CCDC63: variants seen among roughly 807,000 people sequenced by gnomAD.
CCDC63 encodes the protein coiled-coil domain containing 63, also known as coiled-coil domain-containing protein 63.
A neutral mutation model predicts 63.6 loss-of-function variants in CCDC63; 54 were observed. That is an observed-to-expected ratio of 0.85 (90% CI 0.68 to 1.07). The LOEUF is 1.07. CCDC63 is among the 50% of genes least tolerant of loss of function. CCDC63 has a pLI of 0.00. For missense variants in CCDC63, 637 were observed against 689.6 expected (o/e 0.92, Z 0.86); for synonymous variants, 253 against 266.1 (o/e 0.95, Z 0.48).
chr12:110,855,316 G>C (rs988590197), intron 3 of CCDC63, among the ~76,000 whole-genome samples: 1 of 152,192 alleles, frequency 6.6e-6, no homozygotes, highest in South Asian at 2.1e-4. Flanking sequence ...TCAAGCTGGT[G>C]GTGCTTCCTA....
Position 110,899,119 on chromosome 12 carries a change from T to C in CCDC63, c.1336T>C (p.Tyr446His), listed in dbSNP as rs770930150. The C allele has an allele frequency of 6.2e-7, 1 of 1,608,966 alleles. No homozygotes were observed. The highest frequency in any genetic ancestry group is 1.1e-5 in the South Asian group (1 of 90,076). ...GKVTDINLPQYFAIIEKKTND... is the reference protein window; with the variant it reads ...GKVTDINLPQHFAIIEKKTND... ...AGTCACTGACATCAACCTTCCGCAGTATTTTGGTGAGTCAAGCTGGGGCCC... is the reference window on the plus strand; with the variant it reads ...AGTCACTGACATCAACCTTCCGCAGCATTTTGGTGAGTCAAGCTGGGGCCC... The change falls in exon 10 of 12, where the codon TAT (tyrosine) becomes CAT (histidine). Residue 446 changes from tyrosine to histidine, a missense_variant. Physicochemically the swap from Tyr to His is moderately conservative, Grantham distance 83. Coordinates refer to ENST00000308208, the MANE Select transcript of CCDC63 (RefSeq NM_152591.3).
intron 10 of CCDC63, among the ~76,000 whole-genome samples, chr12:110,901,012 A>G (rs2071478817): frequency 6.6e-6 from 1 of 152,218 alleles, no homozygotes; most frequent in Non-Finnish European, 1.5e-5. Flanking sequence ...ATATAGTCAC[A>G]CATATGGCTA....
chr12:110,847,018 C>T lies in CCDC63; in HGVS notation c.-184C>T, dbSNP rs2136630967. On this transcript the variant is annotated 5_prime_UTR_variant, in exon 1 of 12. Transcript: ENST00000308208. ...CAGCGAGGCCGCGCAGCAAGCAGTC[C>T]TCCCGGCACCGTCGGAAGCGCAGTT... 6.6e-6 allele frequency: 1 copy of T among 152,288 alleles called. No homozygotes were observed. The highest frequency in any genetic ancestry group is 2.4e-5 in the African/African-American group (1 of 41,564). 9.4% of individuals were successfully genotyped at this position (152,288 alleles called of 1,614,324 possible).
intron 4 of CCDC63, among the ~76,000 whole-genome samples, chr12:110,861,726 A>ATT (rs68137795): frequency 4.3e-5 from 6 of 138,434 alleles, no homozygotes; most frequent in Non-Finnish European, 3.1e-5. Flanking sequence ...TGCCTGGCTA[A>ATT]TTTTTTTTTT....
chr12:110,903,245 C>T (rs1428591164), intron 10 of CCDC63, among the ~76,000 whole-genome samples: 1 of 152,128 alleles, frequency 6.6e-6, no homozygotes, highest in East Asian at 1.9e-4. Flanking sequence ...TCAAGTGATC[C>T]ACCTGCCTCA....
chr12:110,860,374 G>T (rs917290125), intron 4 of CCDC63, among the ~76,000 whole-genome samples: 1 of 152,130 alleles, frequency 6.6e-6, no homozygotes, highest in African/African-American at 2.4e-5. Flanking sequence ...GCCTTATTCT[G>T]GTGTTTAACG....
intron 8 of CCDC63, among the ~76,000 whole-genome samples, chr12:110,885,348 A>G (rs1380945666): frequency 6.6e-6 from 1 of 152,136 alleles, no homozygotes. Flanking sequence ...TCCTGCAGTA[A>G]AGAAGCCTGT....
rs140182924 is a variant in CCDC63 at position 110,874,940 on chromosome 12, A to G, written c.489+979A>G. On this transcript the variant is annotated intron_variant, in intron 5 of 11. Transcript: ENST00000308208. ...GGAATGATGGACAGGGACAAACCAC[A>G]CATTCCAGTCTGGTTTGTGAAACTG... Among the ~76,000 whole-genome samples the G allele has an allele frequency of 5.8e-3, 891 of 152,308 alleles. 7 individuals carry two copies. The highest frequency in any genetic ancestry group is 5.9e-3 in the Non-Finnish European group (402 of 68,016).
chr12:110,889,540 G>T lies in CCDC63; in HGVS notation c.1075-3536G>T, dbSNP rs956180273. Among the ~76,000 whole-genome samples, 2 of 152,132 alleles carry T rather than the reference G, an allele frequency of 1.3e-5. No homozygotes were observed. The highest frequency in any genetic ancestry group is 6.6e-5 in the Admixed American group (1 of 15,252). On this transcript the variant is annotated intron_variant, in intron 8 of 11. Coordinates refer to ENST00000308208, the MANE Select transcript of CCDC63 (RefSeq NM_152591.3). The surrounding 1 kb of genome is among the most constrained non-coding windows in gnomAD (Gnocchi z 4.1). ...AGGAAACAGCAACAGCACACGCAAAGGCCCTGACGCAGCTTGCAAGCAGGC... is the reference window on the plus strand; with the variant it reads ...AGGAAACAGCAACAGCACACGCAAATGCCCTGACGCAGCTTGCAAGCAGGC...
intron 1 of CCDC63, among the ~76,000 whole-genome samples, chr12:110,852,174 G>T (rs1009746184): frequency 6.6e-6 from 1 of 152,174 alleles, no homozygotes; most frequent in Non-Finnish European, 1.5e-5. Context: ...CCTGCTCTAA[G>T]ATGGGAGGGT....
chr12:110,867,551 A>G (rs2070982954), intron 4 of CCDC63, among the ~76,000 whole-genome samples: 1 of 129,358 alleles, frequency 7.7e-6, no homozygotes, highest in Non-Finnish European at 1.7e-5. Context: ...TCCCTCCCGG[A>G]CGGGGCGGCT....
chr12:110,898,424 A>G (rs1241813250), intron 9 of CCDC63, among the ~76,000 whole-genome samples: 1 of 148,508 alleles, frequency 6.7e-6, no homozygotes, highest in Non-Finnish European at 1.5e-5. Context: ...GCAGTTTGAG[A>G]GCAGCCTGCG....
At chr12:110,893,848 T>G (rs1268351902) in intron 9 of CCDC63, among the ~76,000 whole-genome samples, 1 of 151,986 alleles carries the variant, frequency 6.6e-6, no homozygotes, top group East Asian at 1.9e-4. Context: ...AATACAAAAA[T>G]TAGCCAGGTG....
Position 110,858,225 on chromosome 12 carries a change from G to A in CCDC63, c.180-361G>A, listed in dbSNP as rs181979371. On this transcript the variant is annotated intron_variant, in intron 3 of 11. Transcript: ENST00000308208. ...CTCCTCATTACTGGAGATAATTGGC[G>A]GTAAAGTCTGGAAAGATGGTCTGCA... Among the ~76,000 whole-genome samples, 313 of 152,200 alleles carry A rather than the reference G, an allele frequency of 2.1e-3. 1 individual carries two copies. Among genetic ancestry groups the A allele is most frequent in the Non-Finnish European group, 2.6e-3 (176 of 68,000 alleles).
At chr12:110,860,947 C>T (rs1377237730) in intron 4 of CCDC63, among the ~76,000 whole-genome samples, 1 of 152,168 alleles carries the variant, frequency 6.6e-6, no homozygotes, top group East Asian at 1.9e-4. Context: ...GCAGGCTATA[C>T]AGGAAGCATA....
chr12:110,853,951 A>G (rs781716887), intron 3 of CCDC63, among the ~76,000 whole-genome samples: 25 of 152,158 alleles, frequency 1.6e-4, no homozygotes, highest in Non-Finnish European at 3.2e-4. Context: ...CCAGCTCTCA[A>G]GTTTACCAGC....
intron 9 of CCDC63, among the ~76,000 whole-genome samples, chr12:110,896,761 G>T (rs2071420039): frequency 6.6e-6 from 1 of 152,238 alleles, no homozygotes; most frequent in Non-Finnish European, 1.5e-5. Flanking sequence ...TGAGGGTGGA[G>T]TTGGGCAGCA....
chr12:110,905,953 T>A (rs1319206373), intron 11 of CCDC63, among the ~76,000 whole-genome samples: 1 of 33,478 alleles, frequency 3.0e-5, no homozygotes, highest in African/African-American at 1.5e-4. Context: ...TATATTATAT[T>A]ATTATAATAT....
In CCDC63 at chr12:110,891,755, C is replaced by T. The variant is rs567320489; in HGVS notation, c.1075-1321C>T. Reference sequence around the variant, plus strand: ...AATCTGCATTTTAGCCATATTTTAACCCAAGACCCTCTCCCCTGTTTTATG... The same window carrying T: ...AATCTGCATTTTAGCCATATTTTAATCCAAGACCCTCTCCCCTGTTTTATG... On this transcript the variant is annotated intron_variant, in intron 8 of 11. Transcript: ENST00000308208. Among the ~76,000 whole-genome samples the T allele has an allele frequency of 2.0e-5, 3 of 151,966 alleles. No individual in the cohort carries two copies. The South Asian group carries it at 6.2e-4, about 32-fold the overall frequency.
Sources: allele counts gnomAD v4.1 joint callset (sites outside exome capture counted in the v4.1 genomes callset), GRCh38; gene constraint gnomAD v4.1.1; non-coding constraint Gnocchi (gnomAD v3.1); transcripts MANE v1.5; gene names NCBI Gene and HGNC (gene_info 2026-07-23, HGNC 2026-07-21).